PDE4B: variants seen among roughly 807,000 people sequenced by gnomAD.
PDE4B encodes phosphodiesterase 4B, also known as 3',5'-cyclic-AMP phosphodiesterase 4B.
PDE4B carries 20 observed loss-of-function variants against 82.2 expected under a neutral mutation model. The ratio of observed to expected loss-of-function variants is 0.24; its 90% CI spans 0.17 to 0.35. The LOEUF (loss-of-function observed/expected upper bound fraction) is 0.35, where lower values mean the gene tolerates loss of function less well. Among genes scored for constraint, PDE4B ranks in the 10% least tolerant of loss-of-function variants. The probability of loss-of-function intolerance (pLI) is 1.00; values close to 1 mark genes in which losing one functional copy is unlikely to be tolerated. For synonymous variants in PDE4B, 320 were observed against 318.9 expected (o/e 1.00, Z -0.04); for missense variants, 655 against 907.2 (o/e 0.72, Z 3.57).
chr1:66,254,709 C>T (rs1324057906), intron 4 of PDE4B, among the ~76,000 whole-genome samples: 1 of 152,204 alleles, frequency 6.6e-6, no homozygotes, highest in Non-Finnish European at 1.5e-5. Flanking sequence ...ACTGTTTTCT[C>T]AGATATCCAT....
chr1:66,110,895 C>T (rs1462904174), intron 3 of PDE4B, among the ~76,000 whole-genome samples: 1 of 151,694 alleles, frequency 6.6e-6, no homozygotes, highest in Admixed American at 6.6e-5. Context: ...TAGGAATTGG[C>T]TGGGAGCTTG....
chr1:66,028,685 CCT>C, intron 3 of PDE4B, among the ~76,000 whole-genome samples: 1 of 152,196 alleles, frequency 6.6e-6, no homozygotes, highest in East Asian at 1.9e-4. Flanking sequence ...CATCAGATAC[CCT>C]AAATCATCCT....
chr1:66,156,804 C>G (rs1370017118), intron 3 of PDE4B, among the ~76,000 whole-genome samples: 3 of 152,336 alleles, frequency 2.0e-5, no homozygotes, highest in South Asian at 2.1e-4. Context: ...TGGAAACACT[C>G]TTCTTCACTT....
At chr1:65,805,911 T>G (rs1321071041) in intron 1 of PDE4B, among the ~76,000 whole-genome samples, 1 of 152,226 alleles carries the variant, frequency 6.6e-6, no homozygotes, top group Non-Finnish European at 1.5e-5. Context: ...TTGAAAATTT[T>G]GAAATTTCAA....
chr1:65,810,542 T>C (rs1557758474), intron 1 of PDE4B, among the ~76,000 whole-genome samples: 1 of 152,172 alleles, frequency 6.6e-6, no homozygotes, highest in Non-Finnish European at 1.5e-5. Context: ...GTTAAAACTT[T>C]AAAAATATTT....
At chr1:66,288,717 C>T (rs1656859599) in intron 7 of PDE4B, among the ~76,000 whole-genome samples, 1 of 152,026 alleles carries the variant, frequency 6.6e-6, no homozygotes, top group African/African-American at 2.4e-5. Flanking sequence ...AGAGCTTCAT[C>T]AAGGACAAGG....
intron 3 of PDE4B, among the ~76,000 whole-genome samples, chr1:66,170,009 T>A (rs902707180): frequency 2.0e-5 from 3 of 152,160 alleles, no homozygotes; most frequent in Non-Finnish European, 4.4e-5. Flanking sequence ...CAATAGTAAG[T>A]GGCATGCCAT....
intron 3 of PDE4B, among the ~76,000 whole-genome samples, chr1:66,174,148 T>C (rs771567144): frequency 3.3e-5 from 5 of 152,190 alleles, no homozygotes; most frequent in Non-Finnish European, 7.3e-5. Context: ...TAATGGTGAA[T>C]TCAGGTGAGA....
intron 3 of PDE4B, among the ~76,000 whole-genome samples, chr1:66,188,284 T>C (rs1299911713): frequency 6.6e-6 from 1 of 151,472 alleles, no homozygotes; most frequent in Non-Finnish European, 1.5e-5. Context: ...ATAGGTGTGG[T>C]GTGGTGCTGA....
At chr1:65,852,397 T>C (rs1156645075) in intron 1 of PDE4B, among the ~76,000 whole-genome samples, 1 of 151,768 alleles carries the variant, frequency 6.6e-6, no homozygotes, top group Non-Finnish European at 1.5e-5. Context: ...TTAATTGACA[T>C]AGGAGTATTC....
chr1:66,096,787 A>G (rs1301819145), intron 3 of PDE4B, among the ~76,000 whole-genome samples: 2 of 151,298 alleles, frequency 1.3e-5, no homozygotes, highest in Admixed American at 6.6e-5. Flanking sequence ...TTTCTAAACA[A>G]TCTCCTTCCT....
At chr1:66,042,959 T>C (rs1210589819) in intron 3 of PDE4B, among the ~76,000 whole-genome samples, 1 of 151,762 alleles carries the variant, frequency 6.6e-6, no homozygotes, top group Non-Finnish European at 1.5e-5. Context: ...CAGTCTATTA[T>C]GTTAAGTAGT....
intron 3 of PDE4B, among the ~76,000 whole-genome samples, chr1:66,188,987 T>C (rs370354304): frequency 1.3e-5 from 2 of 151,366 alleles, no homozygotes; most frequent in African/African-American, 4.9e-5. Context: ...TTTTCCTTTC[T>C]ATGTTTAGTG....
chr1:66,087,561 T>A (rs756828468), intron 3 of PDE4B, among the ~76,000 whole-genome samples: 2 of 152,128 alleles, frequency 1.3e-5, no homozygotes, highest in East Asian at 3.9e-4. Flanking sequence ...AGACATGAAG[T>A]CCTTGACCAT....
intron 2 of PDE4B, among the ~76,000 whole-genome samples, chr1:65,914,950 GA>G (rs1647142769): frequency 6.6e-6 from 1 of 152,182 alleles, no homozygotes; most frequent in South Asian, 2.1e-4. Flanking sequence ...CTGTAAGCAT[GA>G]AATACATCTT....
intron 3 of PDE4B, among the ~76,000 whole-genome samples, chr1:66,128,887 C>G (rs1280517518): frequency 6.6e-6 from 1 of 152,188 alleles, no homozygotes; most frequent in Non-Finnish European, 1.5e-5. Flanking sequence ...ACCATGAGAA[C>G]AGTATGAGGG....
intron 3 of PDE4B, among the ~76,000 whole-genome samples, chr1:66,092,649 C>T (rs1472617221): frequency 2.0e-5 from 3 of 151,996 alleles, no homozygotes; most frequent in Non-Finnish European, 4.4e-5. Context: ...GATTAAGCCA[C>T]GAGTTTAACA....
intron 12 of PDE4B, among the ~76,000 whole-genome samples, 195 bp downstream of exon 12, chr1:66,363,766 C>T (rs1663008612): frequency 6.6e-6 from 1 of 151,544 alleles, no homozygotes; most frequent in Admixed American, 6.6e-5. Context: ...AACCCTGTCT[C>T]TAAAAAAATA....
At chr1:66,238,102 C>T (rs142172926) in intron 3 of PDE4B, among the ~76,000 whole-genome samples, 160 of 152,212 alleles carry the variant, frequency 1.1e-3, no homozygotes, top group Non-Finnish European at 1.7e-3. Context: ...GGCAGCCATC[C>T]AGAGAGTAGA....
Sources: gnomAD v4.1 joint callset for allele counts (sites outside exome capture counted in the v4.1 genomes callset) on GRCh38, gnomAD v4.1.1 for gene constraint, MANE v1.5 for transcripts, NCBI Gene and HGNC (gene_info 2026-07-23, HGNC 2026-07-21) for gene names.